Variants in ZBTB20 observed in about 807,000 individuals in gnomAD.
ZBTB20 encodes zinc finger and BTB domain containing 20, also known as zinc finger and BTB domain-containing protein 20.
ZBTB20 carries 9 observed loss-of-function variants against 56.9 expected under a neutral mutation model. The observed-to-expected ratio is 0.16, with a 90% CI of 0.10 to 0.28. ZBTB20 has a LOEUF of 0.28. Ranked by LOEUF, ZBTB20 falls within the 10% of genes least tolerant of loss-of-function variation. ZBTB20 has a pLI of 1.00. For missense variants in ZBTB20, 655 were observed against 1,003.0 expected, an observed-to-expected ratio of 0.65 and a Z score of 4.69; for synonymous variants, 417 against 420.7, an observed-to-expected ratio of 0.99 and a Z score of 0.11.
At chr3:114,920,111 G>T (rs544841415) in intron 3 of ZBTB20, among the ~76,000 whole-genome samples, 6 of 151,990 alleles carry the variant, frequency 3.9e-5, no homozygotes, top group African/African-American at 1.4e-4. Flanking sequence ...CAACATTAGA[G>T]AATCTAAATA....
chr3:114,866,880 C>T (rs1022981109), intron 4 of ZBTB20, among the ~76,000 whole-genome samples: 4 of 152,166 alleles, frequency 2.6e-5, no homozygotes, highest in Admixed American at 1.3e-4. Context: ...CTCTAGCTTT[C>T]TGACTATAGA....
At chr3:114,664,367 G>A (rs969641214) in intron 6 of ZBTB20, among the ~76,000 whole-genome samples, 2 of 152,038 alleles carry the variant, frequency 1.3e-5, no homozygotes, top group Non-Finnish European at 2.9e-5. Flanking sequence ...GGAACTAAGA[G>A]CCTGTAAATA....
At chr3:114,821,938 A>G (rs1214040501) in intron 4 of ZBTB20, among the ~76,000 whole-genome samples, 1 of 152,270 alleles carries the variant, frequency 6.6e-6, no homozygotes, top group East Asian at 1.9e-4. Context: ...GATAAATTCC[A>G]TTTCAACACT....
intron 6 of ZBTB20, among the ~76,000 whole-genome samples, chr3:114,548,645 A>G (rs2050198093): frequency 6.6e-6 from 1 of 151,888 alleles, no homozygotes; most frequent in South Asian, 2.1e-4. Flanking sequence ...CAGCCTCCCA[A>G]GTAGCTGTGA....
chr3:114,492,873 T>C (rs2042894888), intron 7 of ZBTB20, among the ~76,000 whole-genome samples: 1 of 152,178 alleles, frequency 6.6e-6, no homozygotes, highest in Non-Finnish European at 1.5e-5. Flanking sequence ...TCAGGTTTCA[T>C]CAGTTTTATA....
At chr3:114,356,164 G>A (rs1479785906) in intron 10 of ZBTB20, 1 of 152,192 alleles carries the variant, frequency 6.6e-6, no homozygotes, top group Non-Finnish European at 1.5e-5. Flanking sequence ...GCACAACACA[G>A]ACGGGGCTAA....
chr3:115,065,463 A>ATGTAAAG (rs2082173302), intron 2 of ZBTB20, among the ~76,000 whole-genome samples: 1 of 152,006 alleles, frequency 6.6e-6, no homozygotes, highest in Non-Finnish European at 1.5e-5. Context: ...CATCTTCCAA[A>ATGTAAAG]AGTTGTGTCT....
intron 10 of ZBTB20, among the ~76,000 whole-genome samples, chr3:114,353,541 T>C (rs1288053189): frequency 1.3e-5 from 2 of 152,228 alleles, no homozygotes; most frequent in African/African-American, 2.4e-5. Context: ...TCGTTTTTAC[T>C]TATATAAGAC....
At chr3:114,754,295 T>C (rs977855917) in intron 5 of ZBTB20, among the ~76,000 whole-genome samples, 1 of 152,144 alleles carries the variant, frequency 6.6e-6, no homozygotes, top group African/African-American at 2.4e-5. Context: ...ATTTCTCTTC[T>C]CTTCTCAAAA....
At chr3:114,844,044 A>C (rs889568230) in intron 4 of ZBTB20, among the ~76,000 whole-genome samples, 5 of 151,918 alleles carry the variant, frequency 3.3e-5, no homozygotes, top group Non-Finnish European at 5.9e-5. Context: ...GTATTGCTAA[A>C]AATTGTAAAC....
chr3:114,695,136 A>G lies in ZBTB20; in HGVS notation c.-342-1561T>C, dbSNP rs564179361. On this transcript the variant is annotated intron_variant, in intron 5 of 11. Transcript: ENST00000675478. ...TAACTGAGGTTCTTGTTGCCACATT[A>G]AAAGAAAAAATCTATCCCTACTGCC... 3.9e-5 allele frequency among the ~76,000 whole-genome samples: 6 copies of G among 152,184 alleles called. 1 individual carries two copies. Among genetic ancestry groups the G allele is most frequent in the African/African-American group, 1.4e-4 (6 of 41,538 alleles).
In ZBTB20 at chr3:115,034,333, T is replaced by C. The variant is rs925085662; in HGVS notation, c.-507+36886A>G. On this transcript the variant is annotated intron_variant, in intron 2 of 11. Transcript: ENST00000675478. Reference sequence around the variant, plus strand: ...TATGATCTCATATGTAAAAAACATATTCCACAATTTCCACCAAAAAAAAAC... The same window carrying C: ...TATGATCTCATATGTAAAAAACATACTCCACAATTTCCACCAAAAAAAAAC... Among the ~76,000 whole-genome samples the C allele has an allele frequency of 3.8e-4, 57 of 151,466 alleles. 1 individual carries two copies. The highest frequency in any genetic ancestry group is 1.4e-3 in the African/African-American group (57 of 41,288).
chr3:114,411,161 T>C (rs186782977), intron 7 of ZBTB20, among the ~76,000 whole-genome samples: 100 of 152,182 alleles, frequency 6.6e-4, no homozygotes, highest in Non-Finnish European at 1.2e-3. Context: ...ATATCAAAAA[T>C]ACACAAAGTG....
rs187233703 is a variant in ZBTB20, at chr3:114,925,641, C to T, written c.-455-25299G>A. ...TCCTGGGTTCACACAATTCTCCTGC[C>T]TCAGCCTCCCGAGCAGCTGGGACTA... On this transcript the variant is annotated intron_variant, in intron 3 of 11. Transcript: ENST00000675478. Among the ~76,000 whole-genome samples, 1,300 of 152,266 alleles carry T rather than the reference C, an allele frequency of 8.5e-3. 27 individuals carry two copies. Among genetic ancestry groups the T allele is most frequent in the South Asian group, 0.068 (327 of 4,818 alleles).
intron 1 of ZBTB20, among the ~76,000 whole-genome samples, chr3:115,079,115 A>T (rs1435812042): frequency 6.6e-6 from 1 of 152,200 alleles, no homozygotes; most frequent in Non-Finnish European, 1.5e-5. Flanking sequence ...AAACTTATTT[A>T]CAAGTTAGTA....
At chr3:114,960,036 A>G (rs1009114407) in intron 3 of ZBTB20, among the ~76,000 whole-genome samples, 5 of 152,212 alleles carry the variant, frequency 3.3e-5, no homozygotes, top group Non-Finnish European at 7.3e-5. Context: ...AACAGTGGGA[A>G]TATGTATAAA....
chr3:114,523,544 T>C (rs887814978), intron 6 of ZBTB20, among the ~76,000 whole-genome samples: 2 of 152,168 alleles, frequency 1.3e-5, no homozygotes, highest in African/African-American at 2.4e-5. Flanking sequence ...AGAAGAAAGA[T>C]GTGAGCTTTT....
intron 8 of ZBTB20, among the ~76,000 whole-genome samples, chr3:114,381,716 T>C (rs1219650447): frequency 6.6e-6 from 1 of 152,250 alleles, no homozygotes; most frequent in African/African-American, 2.4e-5. Flanking sequence ...TGCTGGGTAG[T>C]TAAATCTGCC....
At chr3:114,837,122 G>A (rs543087150) in intron 4 of ZBTB20, among the ~76,000 whole-genome samples, 9 of 152,196 alleles carry the variant, frequency 5.9e-5, no homozygotes, top group African/African-American at 1.9e-4. Context: ...TTCTTCACTC[G>A]TAGCTCAAAT....
Sources: allele counts gnomAD v4.1 joint callset (sites outside exome capture counted in the v4.1 genomes callset), GRCh38; gene constraint gnomAD v4.1.1; transcripts MANE v1.5; gene names NCBI Gene and HGNC (gene_info 2026-07-23, HGNC 2026-07-21).